The following MCTP1 variants were observed in gnomAD, a reference collection of about 807,000 sequenced individuals.
MCTP1 encodes multiple C2 and transmembrane domain containing 1.
MCTP1 carries 69 observed loss-of-function variants against 120.6 expected under a neutral mutation model. The observed-to-expected ratio is 0.57, with a 90% CI of 0.47 to 0.70. MCTP1 has a LOEUF of 0.70. Among genes scored for constraint, MCTP1 ranks in the 30% least tolerant of loss-of-function variants. MCTP1 has a pLI of 0.00. For synonymous variants in MCTP1, 529 were observed against 493.1 expected (o/e 1.07, Z -0.96); for missense variants, 1,203 against 1,248.8 (o/e 0.96, Z 0.55).
At chr5:94,728,095 C>A (rs966692818) in intron 19 of MCTP1, among the ~76,000 whole-genome samples, 5 of 152,170 alleles carry the variant, frequency 3.3e-5, no homozygotes, top group African/African-American at 1.2e-4. Flanking sequence ...ATCACTAGAA[C>A]AGGCTCATTC....
chr5:94,712,199 A>C (rs1757272680), intron 20 of MCTP1, among the ~76,000 whole-genome samples: 1 of 152,130 alleles, frequency 6.6e-6, no homozygotes, highest in Non-Finnish European at 1.5e-5. Context: ...GATAGCTTTT[A>C]TTCTGTCAAG....
chr5:95,059,800 G>A (rs1398263894), intron 1 of MCTP1, among the ~76,000 whole-genome samples: 1 of 152,216 alleles, frequency 6.6e-6, no homozygotes, highest in Non-Finnish European at 1.5e-5. Flanking sequence ...AGAAGCATAA[G>A]TAGGATACTT....
chr5:95,209,978 G>A (rs571664056), intron 1 of MCTP1, among the ~76,000 whole-genome samples: 117 of 152,210 alleles, frequency 7.7e-4, no homozygotes, highest in African/African-American at 2.6e-3. Flanking sequence ...GTAGTTGAGC[G>A]GTTTTGAGTG....
chr5:94,920,597 C>T (rs943247705), intron 7 of MCTP1, among the ~76,000 whole-genome samples: 1 of 151,868 alleles, frequency 6.6e-6, no homozygotes, highest in Non-Finnish European at 1.5e-5. Context: ...AAAAAATCAG[C>T]CAGGCTTGGT....
At chr5:94,967,682 G>C (rs1014012101) in intron 2 of MCTP1, among the ~76,000 whole-genome samples, 13 of 152,232 alleles carry the variant, frequency 8.5e-5, no homozygotes, top group African/African-American at 3.1e-4. Flanking sequence ...AGAGACAGAG[G>C]CTGCTTGTTA....
intron 1 of MCTP1, among the ~76,000 whole-genome samples, chr5:95,207,960 A>G (rs1300100993): frequency 1.0e-5 from 1 of 97,172 alleles, no homozygotes; most frequent in African/African-American, 3.4e-5. Flanking sequence ...AGAGAGAGGG[A>G]GAGAGAGGGA....
chr5:94,918,899 C>G (rs1437181566), intron 7 of MCTP1, among the ~76,000 whole-genome samples: 1 of 152,098 alleles, frequency 6.6e-6, no homozygotes, highest in Non-Finnish European at 1.5e-5. Flanking sequence ...AAGATAAGTA[C>G]CCCACTCAAA....
At chr5:95,068,955 T>A in intron 1 of MCTP1, 2 of 178,196 alleles carry the variant, frequency 1.1e-5, no homozygotes, top group Non-Finnish European at 1.7e-5. Flanking sequence ...TGAGCAGGTA[T>A]CTTTTTTTTT....
chr5:94,907,949 T>C (rs963969510), intron 10 of MCTP1, among the ~76,000 whole-genome samples: 5 of 152,214 alleles, frequency 3.3e-5, no homozygotes, highest in African/African-American at 7.2e-5. Flanking sequence ...ATGCCCATCA[T>C]TCTGATTATC....
At chr5:95,170,904 A>G (rs1747182753) in intron 1 of MCTP1, among the ~76,000 whole-genome samples, 1 of 151,828 alleles carries the variant, frequency 6.6e-6, no homozygotes, top group Admixed American at 6.6e-5. Flanking sequence ...CATTTAGTCC[A>G]TTTACATTTA....
chr5:94,744,843 G>T (rs1399656556), intron 19 of MCTP1, among the ~76,000 whole-genome samples: 1 of 152,150 alleles, frequency 6.6e-6, no homozygotes, highest in East Asian at 1.9e-4. Context: ...ATTACATCCC[G>T]AGATTTGATA....
intron 12 of MCTP1, among the ~76,000 whole-genome samples, chr5:94,877,392 G>T (rs1278796931): frequency 1.3e-5 from 2 of 151,544 alleles, no homozygotes; most frequent in Non-Finnish European, 2.9e-5. Flanking sequence ...TTTTTCCTAT[G>T]GATCTTTGTT....
chr5:95,166,631 G>C (rs1216388543), intron 1 of MCTP1, among the ~76,000 whole-genome samples: 5 of 143,010 alleles, frequency 3.5e-5, no homozygotes, highest in African/African-American at 1.3e-4. Flanking sequence ...GCAGTGGCAC[G>C]ATCTCGGCTC....
Position 95,284,145 on chromosome 5 carries a change from C to T in MCTP1, c.431G>A (p.Gly144Glu), listed in dbSNP as rs1582733329. 4 of 1,556,576 alleles carry T rather than the reference C, an allele frequency of 2.6e-6. No individual in the cohort carries two copies. Among genetic ancestry groups the T allele is most frequent in the Non-Finnish European group, 3.5e-6 (4 of 1,150,910 alleles). ...GGAGCGTCCGCCAGGAGGCGTCCCTCCCGCTGCTCCCGAGGCCGCCGCGGG... is the reference window on the plus strand; with the variant it reads ...GGAGCGTCCGCCAGGAGGCGTCCCTTCCGCTGCTCCCGAGGCCGCCGCGGG... ...KGPAAASGAA[G>E]GTPPGGRSPD... Residue 144 changes from glycine to glutamate, a missense_variant, in exon 1 of 23, where the codon GGA becomes GAA. Gly to Glu is a moderately conservative substitution (Grantham distance 98). Coordinates refer to ENST00000515393, the MANE Select transcript of MCTP1 (RefSeq NM_024717.7). The surrounding 1 kb of genome is among the most constrained non-coding windows in gnomAD (Gnocchi z 5.2).
At chr5:94,950,479 C>T (rs907529888) in intron 3 of MCTP1, among the ~76,000 whole-genome samples, 2 of 152,018 alleles carry the variant, frequency 1.3e-5, no homozygotes, top group African/African-American at 4.8e-5. Context: ...TACAGTGTTG[C>T]TGTCTTCATT....
intron 17 of MCTP1, among the ~76,000 whole-genome samples, chr5:94,835,526 CTGT>C (rs139419784): frequency 0.016 from 2,380 of 152,248 alleles, 25 homozygotes; most frequent in Middle Eastern, 0.034. Context: ...ATCTAGAGGA[CTGT>C]TGTTTGTCAA....
At chr5:94,975,864 CCAAA>C (rs1185899342) in intron 2 of MCTP1, among the ~76,000 whole-genome samples, 4 of 152,028 alleles carry the variant, frequency 2.6e-5, no homozygotes, top group Non-Finnish European at 5.9e-5. Context: ...TCTTACACTC[CCAAA>C]CATTCTTTGC....
rs1491535520 is a variant in MCTP1 at position 95,166,568 on chromosome 5, A to AC, written c.720+117287_720+117288insG. Reference sequence around the variant, plus strand: ...CTTATTTACCACCCTAATTTTAATCATTTTTTTTTTTTTTTTTTGAGATGG... The same window carrying AC: ...CTTATTTACCACCCTAATTTTAATCACTTTTTTTTTTTTTTTTTTGAGATGG... On this transcript the variant is annotated intron_variant, in intron 1 of 22. Coordinates refer to ENST00000515393, the MANE Select transcript of MCTP1 (RefSeq NM_024717.7). Among the ~76,000 whole-genome samples, 406 of 125,122 alleles carry AC rather than the reference A, an allele frequency of 3.2e-3. 1 individual carries two copies. Among genetic ancestry groups the AC allele is most frequent in the African/African-American group, 0.012 (387 of 32,902 alleles). The allele number at this position is 125,122 out of a possible 152,430, so 82.1% of individuals were successfully genotyped here.
chr5:95,126,816 A>T (rs383078), intron 1 of MCTP1, among the ~76,000 whole-genome samples: 18,135 of 152,246 alleles, frequency 0.12, 1,688 homozygotes, highest in East Asian at 0.48. Context: ...CCTTTTAATA[A>T]ACTCAATGTG....
Sources: gnomAD v4.1 joint callset for allele counts (sites outside exome capture counted in the v4.1 genomes callset) on GRCh38, gnomAD v4.1.1 for gene constraint, Gnocchi (gnomAD v3.1) non-coding constraint, MANE v1.5 for transcripts, NCBI Gene and HGNC (gene_info 2026-07-23, HGNC 2026-07-21) for gene names.